RBBP8: variants seen among roughly 807,000 people sequenced by gnomAD.
The protein encoded by RBBP8 is DNA endonuclease RBBP8.
RBBP8 carries 88 observed loss-of-function variants against 108.3 expected under a neutral mutation model. That is an observed-to-expected ratio of 0.81 (90% CI 0.68 to 0.97). The LOEUF is 0.97. RBBP8 is among the 50% of genes least tolerant of loss of function. RBBP8 has a pLI of 0.00. For synonymous variants in RBBP8, 332 were observed against 348.2 expected (o/e 0.95, Z 0.52); for missense variants, 1,023 against 1,049.0 (o/e 0.98, Z 0.34).
intron 7 of RBBP8, among the ~76,000 whole-genome samples, chr18:22,984,643 A>T (rs1915190503): frequency 6.6e-6 from 1 of 152,244 alleles, no homozygotes; most frequent in Admixed American, 6.5e-5. Context: ...TTTGGGTTAG[A>T]AGAAGCTGTC....
At chr18:22,995,614 G>A (rs1271280428) in intron 12 of RBBP8, among the ~76,000 whole-genome samples, 1 of 151,974 alleles carries the variant, frequency 6.6e-6, no homozygotes, top group Non-Finnish European at 1.5e-5. Context: ...TTCTCTCTTT[G>A]TAGATTTGCC....
upstream of RBBP8, chr18:22,929,534 G>T: frequency 7.2e-6 from 1 of 138,154 alleles, no homozygotes; most frequent in Middle Eastern, 3.4e-3. Flanking sequence ...GTGTGTGTGT[G>T]TGTGTGTGTG....
chr18:22,996,522 A>T, intron 13 of RBBP8, 60 bp downstream of exon 13: 2 of 1,590,878 alleles, frequency 1.3e-6, no homozygotes, highest in Non-Finnish European at 1.7e-6. Context: ...TTGTTAGTCA[A>T]CCTCCTCTCG....
At chr18:23,022,671 A>AAAAAATAAAATAAAAG (rs71161358) in intron 18 of RBBP8, among the ~76,000 whole-genome samples, 2 of 146,746 alleles carry the variant, frequency 1.4e-5, no homozygotes, top group African/African-American at 5.1e-5. Flanking sequence ...AATAAAATAA[A>AAAAAATAAAATAAAAG]TAACTGTATA....
chr18:22,978,739 T>G (rs1027457980), intron 6 of RBBP8, among the ~76,000 whole-genome samples: 3 of 152,168 alleles, frequency 2.0e-5, no homozygotes, highest in Non-Finnish European at 2.9e-5. Flanking sequence ...ATAAGAAAAT[T>G]ACAGGAAGAG....
rs928545363 is a variant in RBBP8 at position 23,017,741 on chromosome 18, CT to C, written c.2454+840del. Reference sequence around the variant, plus strand: ...AAAATAATTGGTACCAATATAAGTTCTTTTTTTTTTTTTTTTTTTTTTTGAG... The same window carrying C: ...AAAATAATTGGTACCAATATAAGTTCTTTTTTTTTTTTTTTTTTTTTTGAG... On this transcript the variant is annotated intron_variant, in intron 17 of 18. Transcript: ENST00000327155. 6.0e-3 allele frequency among the ~76,000 whole-genome samples: 536 copies of C among 89,164 alleles called. 2 individuals carry two copies. The highest frequency in any genetic ancestry group is 0.023 in the African/African-American group (465 of 20,010). The allele number at this position is 89,164 out of a possible 152,430, so 58.5% of individuals were successfully genotyped here. A position where few individuals can be genotyped will look rare whatever the true frequency, so the allele number is the denominator to read the frequency against.
intron 6 of RBBP8, among the ~76,000 whole-genome samples, chr18:22,980,821 C>G (rs577841615): frequency 5.6e-4 from 85 of 150,558 alleles, no homozygotes; most frequent in African/African-American, 1.8e-3. Flanking sequence ...CTCAGGCAAC[C>G]CTCCCACCTC....
At chr18:22,952,459 G>T (rs1912123067) in intron 4 of RBBP8, among the ~76,000 whole-genome samples, 1 of 152,182 alleles carries the variant, frequency 6.6e-6, no homozygotes, top group Admixed American at 6.5e-5. Flanking sequence ...AGGAACATAG[G>T]TCTTGACCAC....
intron 4 of RBBP8, among the ~76,000 whole-genome samples, chr18:22,962,551 T>C (rs537265644): frequency 6.6e-6 from 1 of 152,158 alleles, no homozygotes; most frequent in African/African-American, 2.4e-5. Flanking sequence ...ACCTTGTTTT[T>C]TTTTCCTTTT....
At chr18:22,939,332 C>A (rs1262947830) in intron 2 of RBBP8, among the ~76,000 whole-genome samples, 1 of 152,124 alleles carries the variant, frequency 6.6e-6, no homozygotes, top group Non-Finnish European at 1.5e-5. Context: ...CATAGAGAAA[C>A]CCTGTCTCTA....
chr18:22,963,111 C>T (rs924452816), intron 4 of RBBP8, among the ~76,000 whole-genome samples: 13 of 152,156 alleles, frequency 8.5e-5, no homozygotes, highest in Non-Finnish European at 1.5e-4. Flanking sequence ...TCCAATTTCC[C>T]CTTCTTCAGA....
In RBBP8 at chr18:23,001,640, A is replaced by T; in HGVS notation, c.2198A>T (p.His733Leu). The T allele has an allele frequency of 6.2e-7, 1 of 1,614,120 alleles. No homozygotes were observed. Among genetic ancestry groups the T allele is most frequent in the South Asian group, 1.1e-5 (1 of 91,082 alleles). ...SLEDMFDRTT[H>L]EEYESCLADS... The stretch of plus-strand genomic sequence containing the variant: ...GAAGATATGTTTGATCGGACAACAC[A>T]TGAAGAGTATGAATCCTGTTTGGCA... The change falls in exon 15 of 19, where the codon CAT becomes CTT. Residue 733 changes from histidine (H) to leucine (L), a missense_variant. Physicochemically the swap from His to Leu is moderately conservative, Grantham distance 99. Transcript: ENST00000327155.
At chr18:22,969,597 A>G (rs1913913172) in intron 5 of RBBP8, among the ~76,000 whole-genome samples, 1 of 152,160 alleles carries the variant, frequency 6.6e-6, no homozygotes, top group Non-Finnish European at 1.5e-5. Flanking sequence ...TCAAGCAAGA[A>G]TATTGAATAT....
chr18:22,969,206 T>C (rs1209853117), intron 5 of RBBP8, among the ~76,000 whole-genome samples: 1 of 151,860 alleles, frequency 6.6e-6, no homozygotes, highest in African/African-American at 2.4e-5. Flanking sequence ...CCATATTTGC[T>C]TCTTTGGTTT....
At chr18:23,021,513 C>A (rs1191066226) in intron 17 of RBBP8, among the ~76,000 whole-genome samples, 24 of 152,152 alleles carry the variant, frequency 1.6e-4, no homozygotes, top group Admixed American at 1.6e-3. Flanking sequence ...ACAATTTTTA[C>A]GTATAATTTT....
At position 22,989,230 on chromosome 18, in the gene RBBP8, G is replaced by C; in HGVS notation, c.719G>C (p.Gly240Ala). The change falls in exon 9 of 19, where the codon GGA becomes GCA. Residue 240 changes from glycine to alanine, a missense_variant. Transcript: ENST00000327155. ...QSQSPMAKAH[G>A]TSSYTPDKSS... ...TATTATTTATTCTTAGAAGCACATGGAACAAGCAGCTATACCCCTGATAAG... is the reference window on the plus strand; with the variant it reads ...TATTATTTATTCTTAGAAGCACATGCAACAAGCAGCTATACCCCTGATAAG... 6.2e-7 allele frequency: 1 copy of C among 1,605,482 alleles called. No individual in the cohort carries two copies. Among genetic ancestry groups the C allele is most frequent in the Non-Finnish European group, 8.5e-7 (1 of 1,172,806 alleles).
chr18:22,936,821 GC>G lies in RBBP8; in HGVS notation c.-30del. The G allele has an allele frequency of 6.2e-7, 1 of 1,613,120 alleles. No individual in the cohort carries two copies. The highest frequency in any genetic ancestry group is 2.2e-5 in the East Asian group (1 of 44,856). On this transcript the variant is annotated 5_prime_UTR_variant, in exon 2 of 19. Transcript: ENST00000327155. ...AACAGAAAAGGTCAGAAAATATTAA[GC>G]AAGTAGAAGTGTGGAGCATATTAAG...
intron 5 of RBBP8, among the ~76,000 whole-genome samples, chr18:22,974,659 C>A (rs1181902113): frequency 6.6e-6 from 1 of 152,158 alleles, no homozygotes. Context: ...GGGGTTTCAC[C>A]ATGGTGGCCA....
chr18:22,955,027 A>G, intron 4 of RBBP8, among the ~76,000 whole-genome samples: 1 of 152,238 alleles, frequency 6.6e-6, no homozygotes. Context: ...GTGCGCAGCC[A>G]GTTGATACAT....
Sources: allele counts gnomAD v4.1 joint callset (sites outside exome capture counted in the v4.1 genomes callset), GRCh38; gene constraint gnomAD v4.1.1; transcripts MANE v1.5; gene names NCBI Gene and HGNC (gene_info 2026-07-23, HGNC 2026-07-21).